Variants in ENTREP2 observed in about 807,000 individuals in gnomAD.
The protein encoded by ENTREP2 is protein ENTREP2.
chr15:29,378,830 T>G, the ENTREP2 span, among the ~76,000 whole-genome samples: 1 of 152,226 alleles, frequency 6.6e-6, no homozygotes, highest in African/African-American at 2.4e-5. Flanking sequence ...TGCCTCTATA[T>G]CTGTATATCT....
the ENTREP2 span, among the ~76,000 whole-genome samples, chr15:29,552,431 C>T: frequency 1.3e-5 from 2 of 152,030 alleles, no homozygotes; most frequent in African/African-American, 4.8e-5. Flanking sequence ...TACACGCACA[C>T]ACTCAAATAA....
chr15:29,580,113 C>T, the ENTREP2 span, among the ~76,000 whole-genome samples: 4 of 152,014 alleles, frequency 2.6e-5, no homozygotes, highest in African/African-American at 4.8e-5. Flanking sequence ...TCCCAAAATG[C>T]GGGGATTAAA....
the ENTREP2 span, chr15:29,126,470 A>C: frequency 6.5e-7 from 1 of 1,550,078 alleles, no homozygotes; most frequent in Non-Finnish European, 8.7e-7. Flanking sequence ...GGACACCAGG[A>C]GGCTTGTGCT....
the ENTREP2 span, among the ~76,000 whole-genome samples, chr15:29,634,192 G>A: frequency 6.6e-6 from 1 of 152,094 alleles, no homozygotes; most frequent in African/African-American, 2.4e-5. Context: ...GAGACCCTAA[G>A]GTTCGGTGTG....
the ENTREP2 span, chr15:29,268,237 G>A: frequency 6.6e-6 from 1 of 152,190 alleles, no homozygotes; most frequent in East Asian, 1.9e-4. Context: ...TAGCAGCAGA[G>A]CTGAATAATT....
the ENTREP2 span, among the ~76,000 whole-genome samples, chr15:29,462,258 A>G: frequency 1.3e-5 from 2 of 152,112 alleles, no homozygotes; most frequent in African/African-American, 4.8e-5. Flanking sequence ...TCCTTTGAGT[A>G]TATACCCAGA....
chr15:29,324,628 C>T, the ENTREP2 span, among the ~76,000 whole-genome samples: 2 of 152,068 alleles, frequency 1.3e-5, no homozygotes, highest in Non-Finnish European at 2.9e-5. Flanking sequence ...TCAGAGAAAG[C>T]AGACTTTAGG....
chr15:29,597,242 T>C, the ENTREP2 span, among the ~76,000 whole-genome samples: 1 of 152,182 alleles, frequency 6.6e-6, no homozygotes, highest in East Asian at 1.9e-4. Flanking sequence ...TTCAGACTAG[T>C]TTATTTCATT....
At chr15:29,395,412 G>A in the ENTREP2 span, among the ~76,000 whole-genome samples, 1 of 151,868 alleles carries the variant, frequency 6.6e-6, no homozygotes, top group East Asian at 1.9e-4. Context: ...AATACAGAGT[G>A]GAAAACAGTA....
chr15:29,578,821 T>G, the ENTREP2 span, among the ~76,000 whole-genome samples: 2 of 152,132 alleles, frequency 1.3e-5, no homozygotes, highest in African/African-American at 2.4e-5. Context: ...ATGTTAAAAT[T>G]GAAGTTTTTA....
At chr15:29,132,062 G>A in the ENTREP2 span, among the ~76,000 whole-genome samples, 9 of 143,918 alleles carry the variant, frequency 6.3e-5, no homozygotes, top group Non-Finnish European at 9.2e-5. Context: ...CCCCTGCCCC[G>A]CCCCAGAGTC....
chr15:29,439,935 T>C, the ENTREP2 span, among the ~76,000 whole-genome samples: 1 of 152,132 alleles, frequency 6.6e-6, no homozygotes, highest in Non-Finnish European at 1.5e-5. Context: ...CATGATATGA[T>C]GTGATGAGGG....
At chr15:29,180,681 C>CAAAAT in the ENTREP2 span, among the ~76,000 whole-genome samples, 1 of 151,598 alleles carries the variant, frequency 6.6e-6, no homozygotes, top group Admixed American at 6.6e-5. Context: ...AATAAATAAA[C>CAAAAT]AAAATAAAAT....
chr15:29,352,144 G>A, the ENTREP2 span, among the ~76,000 whole-genome samples: 9 of 151,618 alleles, frequency 5.9e-5, no homozygotes, highest in Non-Finnish European at 1.2e-4. Context: ...TATGTTGCTC[G>A]GGCTGGACTC....
At chr15:29,636,412 A>T in the ENTREP2 span, among the ~76,000 whole-genome samples, 4 of 152,184 alleles carry the variant, frequency 2.6e-5, no homozygotes, top group Admixed American at 2.0e-4. Flanking sequence ...TGATCAAAGG[A>T]GGAGGAACCC....
At chr15:29,268,760 C>T in the ENTREP2 span, 4 of 1,570,760 alleles carry the variant, frequency 2.5e-6, no homozygotes, top group Non-Finnish European at 3.4e-6. Flanking sequence ...GTCTCAGACC[C>T]TTGTCCCGGG....
At chr15:29,521,636 G>A in the ENTREP2 span, among the ~76,000 whole-genome samples, 1 of 152,114 alleles carries the variant, frequency 6.6e-6, no homozygotes, top group Non-Finnish European at 1.5e-5. Flanking sequence ...AGATTGCAGA[G>A]TAAGAGTCTC....
chr15:29,372,613 A>G, the ENTREP2 span, among the ~76,000 whole-genome samples: 1 of 152,228 alleles, frequency 6.6e-6, no homozygotes, highest in Non-Finnish European at 1.5e-5. Flanking sequence ...CTATAAAATC[A>G]ATGCAATCAC....
At chr15:29,504,568 G>A in the ENTREP2 span, among the ~76,000 whole-genome samples, 1 of 152,186 alleles carries the variant, frequency 6.6e-6, no homozygotes, top group African/African-American at 2.4e-5. Flanking sequence ...ACACCATGAA[G>A]AAGAACTGAA....
Sources: allele counts gnomAD v4.1 joint callset (sites outside exome capture counted in the v4.1 genomes callset), GRCh38; gene constraint gnomAD v4.1.1; transcripts MANE v1.5; gene names NCBI Gene and HGNC (gene_info 2026-07-23, HGNC 2026-07-21).